The following SLC6A11 variants were observed in gnomAD, a reference collection of about 807,000 sequenced individuals.
SLC6A11 encodes solute carrier family 6 member 11.
In SLC6A11, 25 loss-of-function variants were observed where a neutral mutation model predicts 74.8. The observed-to-expected ratio is 0.33, with a 90% CI of 0.24 to 0.47. SLC6A11 has a LOEUF of 0.47. Ranked by LOEUF, SLC6A11 falls within the 20% of genes least tolerant of loss-of-function variation. The pLI, the probability that SLC6A11 is intolerant of heterozygous loss-of-function variation, is 1.00. For synonymous variants in SLC6A11, 330 were observed against 330.2 expected (o/e 1.00, Z 0.01); for missense variants, 574 against 837.0 (o/e 0.69, Z 3.88).
intron 6 of SLC6A11, among the ~76,000 whole-genome samples, chr3:10,892,486 C>T (rs1179571375): frequency 1.3e-5 from 2 of 152,228 alleles, no homozygotes; most frequent in Non-Finnish European, 2.9e-5. Context: ...GCTCCACCAC[C>T]GACCTTGAAC....
intron 6 of SLC6A11, among the ~76,000 whole-genome samples, chr3:10,907,081 C>T (rs965093150): frequency 6.6e-6 from 1 of 151,982 alleles, no homozygotes; most frequent in African/African-American, 2.4e-5. Context: ...GACAGAACCA[C>T]AAAACAGTGC....
At chr3:10,903,718 G>C (rs781327959) in intron 6 of SLC6A11, among the ~76,000 whole-genome samples, 3 of 152,152 alleles carry the variant, frequency 2.0e-5, no homozygotes, top group Non-Finnish European at 4.4e-5. Context: ...GCTCATGAGG[G>C]CTTCTGGCTG....
intron 10 of SLC6A11, among the ~76,000 whole-genome samples, chr3:10,932,915 A>C (rs891191766): frequency 1.3e-5 from 2 of 152,020 alleles, no homozygotes; most frequent in Non-Finnish European, 2.9e-5. Flanking sequence ...CTGGAAAGTG[A>C]GGGGCTGAGA....
At chr3:10,835,235 G>T (rs553365573) in intron 4 of SLC6A11, among the ~76,000 whole-genome samples, 1 of 152,356 alleles carries the variant, frequency 6.6e-6, no homozygotes, top group East Asian at 1.9e-4. Flanking sequence ...CTGTAGGGCA[G>T]CCGTGACCTG....
chr3:10,935,267 CT>C, intron 13 of SLC6A11, 68 bp downstream of exon 13: 1 of 1,448,276 alleles, frequency 6.9e-7, no homozygotes, highest in East Asian at 2.3e-5. Context: ...GTTTCCTCAT[CT>C]GCATGGTGCG....
chr3:10,861,982 G>A (rs1357064047), intron 5 of SLC6A11, among the ~76,000 whole-genome samples: 1 of 152,190 alleles, frequency 6.6e-6, no homozygotes, highest in Non-Finnish European at 1.5e-5. Flanking sequence ...GCAGGAACAA[G>A]GCAGCACCTT....
intron 1 of SLC6A11, among the ~76,000 whole-genome samples, chr3:10,819,074 A>C (rs888385290): frequency 1.3e-5 from 2 of 152,214 alleles, no homozygotes; most frequent in Non-Finnish European, 2.9e-5. Flanking sequence ...TGTTGAGGTC[A>C]CTTTAAAATG....
chr3:10,865,061 T>C (rs1157557713), intron 5 of SLC6A11, among the ~76,000 whole-genome samples: 8 of 152,246 alleles, frequency 5.3e-5, no homozygotes, highest in Non-Finnish European at 8.8e-5. Flanking sequence ...TATGTTGTTC[T>C]CTGCCAGCCA....
intron 6 of SLC6A11, among the ~76,000 whole-genome samples, chr3:10,896,796 G>A (rs1213423762): frequency 6.6e-6 from 1 of 152,098 alleles, no homozygotes; most frequent in Non-Finnish European, 1.5e-5. Flanking sequence ...ATGGTGAGGG[G>A]GCATAGACCC....
At chr3:10,820,146 G>C (rs1375111271) in intron 3 of SLC6A11, among the ~76,000 whole-genome samples, 1 of 152,150 alleles carries the variant, frequency 6.6e-6, no homozygotes, top group Admixed American at 6.5e-5. Context: ...GCAGGATGGG[G>C]GTGTGAGGAA....
At chr3:10,855,232 A>G (rs1466741246) in intron 5 of SLC6A11, among the ~76,000 whole-genome samples, 1 of 152,232 alleles carries the variant, frequency 6.6e-6, no homozygotes, top group East Asian at 1.9e-4. Flanking sequence ...TGGAGTAGAT[A>G]CTAATCACCC....
intron 4 of SLC6A11, among the ~76,000 whole-genome samples, chr3:10,838,803 C>T (rs567459497): frequency 3.3e-5 from 5 of 152,184 alleles, no homozygotes; most frequent in African/African-American, 1.2e-4. Flanking sequence ...TGAGCTTCCT[C>T]ATCCATGAAA....
rs1695438954 is a variant in SLC6A11, at chr3:10,915,185, G to C, written c.995+2992G>C. 1.3e-5 allele frequency among the ~76,000 whole-genome samples: 2 copies of C among 152,120 alleles called. No individual in the cohort carries two copies. Among genetic ancestry groups the C allele is most frequent in the Non-Finnish European group, 2.9e-5 (2 of 68,022 alleles). ...ACCAGGGGTGGCCAGCTCTTTCCCA[G>C]CTACTGGAGTTGAAGAGGGTTTGGC... On this transcript the variant is annotated intron_variant, in intron 7 of 13. Coordinates refer to ENST00000254488, the MANE Select transcript of SLC6A11 (RefSeq NM_014229.3). The surrounding 1 kb of genome is among the most constrained non-coding windows in gnomAD (Gnocchi z 4.3).
rs544889356 is a variant in SLC6A11, at chr3:10,851,716, G to A, written c.756+7370G>A. 2.0e-5 allele frequency among the ~76,000 whole-genome samples: 3 copies of A among 152,356 alleles called. No individual in the cohort carries two copies. In the East Asian group the frequency reaches 5.8e-4, roughly 29 times the overall value. Reference sequence around the variant, plus strand: ...ATGAGAAAACAAATGTGCATGGTGCGTAAGCCTTAAGATCATGGGGGGATG... The same window carrying A: ...ATGAGAAAACAAATGTGCATGGTGCATAAGCCTTAAGATCATGGGGGGATG... On this transcript the variant is annotated intron_variant, in intron 5 of 13. Coordinates refer to ENST00000254488, the MANE Select transcript of SLC6A11 (RefSeq NM_014229.3).
intron 10 of SLC6A11, among the ~76,000 whole-genome samples, chr3:10,930,562 C>T (rs777793440): frequency 1.4e-4 from 22 of 152,192 alleles, no homozygotes; most frequent in Non-Finnish European, 1.8e-4. Context: ...AGAAACCAGG[C>T]GCTGCAGTAA....
chr3:10,842,899 G>T (rs1004926976), intron 4 of SLC6A11, among the ~76,000 whole-genome samples: 1 of 152,138 alleles, frequency 6.6e-6, no homozygotes, highest in Non-Finnish European at 1.5e-5. Flanking sequence ...GTGCTAATTG[G>T]TGTCATTGAG....
chr3:10,826,107 T>C (rs2106573816), intron 4 of SLC6A11, among the ~76,000 whole-genome samples: 2 of 152,394 alleles, frequency 1.3e-5, no homozygotes, highest in South Asian at 4.1e-4. Context: ...TTTGAGAGAA[T>C]TTGACATCTT....
At chr3:10,908,634 GTC>G (rs1444262661) in intron 6 of SLC6A11, among the ~76,000 whole-genome samples, 1 of 152,104 alleles carries the variant, frequency 6.6e-6, no homozygotes, top group Non-Finnish European at 1.5e-5. Flanking sequence ...CCCCCCATCT[GTC>G]TCTCCCAGCT....
intron 6 of SLC6A11, among the ~76,000 whole-genome samples, chr3:10,905,998 A>C (rs1695297702): frequency 6.6e-6 from 1 of 152,204 alleles, no homozygotes; most frequent in Non-Finnish European, 1.5e-5. Context: ...CCAGACATCG[A>C]TATGTAGCCC....
Sources: allele counts gnomAD v4.1 joint callset (sites outside exome capture counted in the v4.1 genomes callset), GRCh38; gene constraint gnomAD v4.1.1; non-coding constraint Gnocchi (gnomAD v3.1); transcripts MANE v1.5; gene names NCBI Gene and HGNC (gene_info 2026-07-23, HGNC 2026-07-21).